Variants in NRG2 observed in about 807,000 individuals in gnomAD.
NRG2 encodes the protein pro-neuregulin-2, membrane-bound isoform.
A neutral mutation model predicts 73.9 loss-of-function variants in NRG2; 27 were observed. The observed-to-expected ratio is 0.37, with a 90% confidence interval of 0.27 to 0.50. NRG2 has a LOEUF of 0.50. Among genes scored for constraint, NRG2 ranks in the 20% least tolerant of loss-of-function variants. The probability of loss-of-function intolerance (pLI) is 0.96; values close to 1 mark genes in which losing one functional copy is unlikely to be tolerated. For missense variants in NRG2, 1,126 were observed against 1,210.1 expected, an observed-to-expected ratio of 0.93 and a Z score of 1.03; for synonymous variants, 532 against 541.0, an observed-to-expected ratio of 0.98 and a Z score of 0.23.
chr5:139,988,603 A>C (rs867204645), intron 1 of NRG2, among the ~76,000 whole-genome samples: 1 of 151,980 alleles, frequency 6.6e-6, no homozygotes, highest in African/African-American at 2.4e-5. Flanking sequence ...CTATGGAGAG[A>C]GTAAAAGGAT....
intron 1 of NRG2, among the ~76,000 whole-genome samples, chr5:139,981,655 C>T (rs1461767616): frequency 5.3e-5 from 8 of 152,248 alleles, no homozygotes; most frequent in African/African-American, 1.7e-4. Flanking sequence ...ACTCCTAGAA[C>T]TCCATCTAGG....
chr5:139,939,266 C>CTT lies in NRG2; in HGVS notation c.701-51757_701-51756dup, dbSNP rs71588639. Among the ~76,000 whole-genome samples the CTT allele has an allele frequency of 1.3e-4, 18 of 138,100 alleles. No individual in the cohort carries two copies. In the South Asian group the frequency reaches 4.5e-3, roughly 34 times the overall value. The allele number at this position is 138,100 out of a possible 152,430, so 90.6% of individuals were successfully genotyped here. ...TTCCTTTCTTTCTTTCTTTCTTTTT[C>CTT]TTTCTTTCTTTCTTTCCTTTCTTTT... On this transcript the variant is annotated intron_variant, in intron 1 of 9. Coordinates refer to ENST00000361474, the MANE Select transcript of NRG2 (RefSeq NM_004883.3).
Position 139,852,795 on chromosome 5 carries a change from G to A in NRG2, c.1416+109C>T, listed in dbSNP as rs1761541770. On this transcript the variant is annotated intron_variant, in intron 7 of 9. Transcript: ENST00000361474. This position sits in a 1 kb window ranked among gnomAD's most constrained non-coding sequence, Gnocchi z 4.4. ...GGTGAGGCAGTGCCTAGCAGGCAAG[G>A]CTGGCCATGGGATAGGCTGGCTGCT... 6.5e-7 allele frequency: 1 copy of A among 1,549,242 alleles called. No individual in the cohort carries two copies. The highest frequency in any genetic ancestry group is 8.7e-7 in the Non-Finnish European group (1 of 1,145,758).
At position 139,976,252 on chromosome 5, in the gene NRG2, A is replaced by G. The variant is rs574526038; in HGVS notation, c.700+66118T>C. ...TCCCACCACTTTAAATGAGGAGACA[A>G]ATTCTTTGTATAAGGCTTGTGCTCC... On this transcript the variant is annotated intron_variant, in intron 1 of 9. Transcript: ENST00000361474. Among the ~76,000 whole-genome samples the G allele has an allele frequency of 3.3e-5, 5 of 152,304 alleles. No homozygotes were observed. In the South Asian group the frequency reaches 1.0e-3, roughly 32 times the overall value.
rs779644803 is a variant in NRG2, at chr5:139,865,240, G to A, written c.1189+309C>T. 2.6e-5 allele frequency: 35 copies of A among 1,340,422 alleles called. No individual in the cohort carries two copies. The highest frequency in any genetic ancestry group is 2.3e-4 in the East Asian group (10 of 43,194). 83.0% of individuals were successfully genotyped at this position (1,340,422 alleles called of 1,614,324 possible). A position where few individuals can be genotyped will look rare whatever the true frequency, so the allele number is the denominator to read the frequency against. On this transcript the variant is annotated intron_variant, in intron 5 of 9. Transcript: ENST00000361474. The surrounding 1 kb of genome is among the most constrained non-coding windows in gnomAD (Gnocchi z 5.2). ...CAAGACACAGGCATTGCAACACCCC[G>A]GCACGGGCTCCTGCCAATGCCAGCT...
At chr5:140,017,818 G>C (rs1444788796) in intron 1 of NRG2, among the ~76,000 whole-genome samples, 1 of 152,164 alleles carries the variant, frequency 6.6e-6, no homozygotes, top group Non-Finnish European at 1.5e-5. Flanking sequence ...TATGATGAAA[G>C]ATGAATAGAA....
At position 139,887,426 on chromosome 5, in the gene NRG2, A is replaced by G. The variant is rs750054133; in HGVS notation, c.786T>C (p.Gly262=). ...ACCAACGGTAGGAAGGCTGGGGATT[A>G]CCGGCTGCTGCCTCACACTTCAGCG... ...KQSLKCEAAA[G]NPQPSYRWFK... Residue 262 remains glycine, a synonymous_variant, in exon 2 of 10, where the codon GGT becomes GGC. Coordinates refer to ENST00000361474, the MANE Select transcript of NRG2 (RefSeq NM_004883.3). The surrounding 1 kb of genome is among the most constrained non-coding windows in gnomAD (Gnocchi z 4.5). 2.5e-6 allele frequency: 4 copies of G among 1,614,236 alleles called. No homozygotes were observed. In the East Asian group the frequency reaches 8.9e-5, roughly 36 times the overall value.
At chr5:139,935,273 A>C (rs1045918912) in intron 1 of NRG2, among the ~76,000 whole-genome samples, 2 of 152,234 alleles carry the variant, frequency 1.3e-5, no homozygotes, top group Non-Finnish European at 2.9e-5. Flanking sequence ...ACTCACTACT[A>C]TAACGAGATT....
intron 5 of NRG2, among the ~76,000 whole-genome samples, chr5:139,859,520 T>C (rs772630669): frequency 1.3e-5 from 2 of 152,156 alleles, no homozygotes; most frequent in Non-Finnish European, 2.9e-5. Context: ...CACCAGCCCT[T>C]CAAGGGGCCA....
At chr5:139,910,802 C>T (rs1765521889) in intron 1 of NRG2, among the ~76,000 whole-genome samples, 2 of 152,182 alleles carry the variant, frequency 1.3e-5, no homozygotes, top group African/African-American at 2.4e-5. Flanking sequence ...CCCACTCCCA[C>T]ATTAGGAGGC....
chr5:139,863,658 T>C (rs1258492620), intron 5 of NRG2, among the ~76,000 whole-genome samples: 2 of 152,080 alleles, frequency 1.3e-5, no homozygotes, highest in Non-Finnish European at 2.9e-5. Context: ...GGCCCCCAGC[T>C]CTGCCTAGGC....
chr5:139,968,932 CCTGGT>C (rs1755776223), intron 1 of NRG2, among the ~76,000 whole-genome samples: 1 of 152,230 alleles, frequency 6.6e-6, no homozygotes, highest in East Asian at 1.9e-4. Flanking sequence ...TGCCCTGCCA[CCTGGT>C]GGAGAGATGA....
intron 1 of NRG2, among the ~76,000 whole-genome samples, chr5:139,888,115 A>AACACACACACACAC (rs148802670): frequency 1.3e-5 from 2 of 148,816 alleles, no homozygotes; most frequent in African/African-American, 4.9e-5. Context: ...AAAACAAAAC[A>AACACACACACACAC]ACACACACAC....
chr5:139,882,131 G>C (rs1244713517), intron 2 of NRG2, among the ~76,000 whole-genome samples: 1 of 152,188 alleles, frequency 6.6e-6, no homozygotes, highest in Non-Finnish European at 1.5e-5. Context: ...TAGTGGGCTG[G>C]AGAGATGGGG....
intron 1 of NRG2, among the ~76,000 whole-genome samples, chr5:140,033,369 G>C (rs1761289164): frequency 6.6e-6 from 1 of 152,236 alleles, no homozygotes; most frequent in African/African-American, 2.4e-5. Context: ...CAGGACTCCA[G>C]AACTTGGTTC....
rs149459625 is a variant in NRG2, at chr5:139,982,909, C to A, written c.700+59461G>T. Among the ~76,000 whole-genome samples, 804 of 152,288 alleles carry A rather than the reference C, an allele frequency of 5.3e-3. 3 individuals carry two copies. Among genetic ancestry groups the A allele is most frequent in the Non-Finnish European group, 7.8e-3 (530 of 68,014 alleles). The stretch of plus-strand genomic sequence containing the variant: ...GAAACTGCCTTCATGGGGGTCCATC[C>A]CACACTCCTGCAGTTCCTCTCCCCT... On this transcript the variant is annotated intron_variant, in intron 1 of 9. Transcript: ENST00000361474.
At chr5:139,981,674 G>A (rs1756811372) in intron 1 of NRG2, among the ~76,000 whole-genome samples, 1 of 152,248 alleles carries the variant, frequency 6.6e-6, no homozygotes, top group South Asian at 2.1e-4. Context: ...GGGTTCCATG[G>A]TTCCAGGAGC....
intron 1 of NRG2, among the ~76,000 whole-genome samples, chr5:139,922,875 C>T (rs995138089): frequency 6.6e-6 from 1 of 152,030 alleles, no homozygotes; most frequent in Non-Finnish European, 1.5e-5. Flanking sequence ...CTGTATGATT[C>T]CAACTATAAG....
intron 1 of NRG2, among the ~76,000 whole-genome samples, chr5:140,027,176 G>C (rs1760761748): frequency 6.6e-6 from 1 of 152,166 alleles, no homozygotes; most frequent in South Asian, 2.1e-4. Flanking sequence ...TAGAGATGAG[G>C]TCTCCATATG....
Sources: allele counts gnomAD v4.1 joint callset (sites outside exome capture counted in the v4.1 genomes callset), GRCh38; gene constraint gnomAD v4.1.1; non-coding constraint Gnocchi (gnomAD v3.1); transcripts MANE v1.5; gene names NCBI Gene and HGNC (gene_info 2026-07-23, HGNC 2026-07-21).